DPP10: variants seen among roughly 807,000 people sequenced by gnomAD.
DPP10 encodes the protein dipeptidyl peptidase like 10.
A neutral mutation model predicts 120.9 loss-of-function variants in DPP10; 33 were observed. The ratio of observed to expected loss-of-function variants is 0.27; its 90% CI spans 0.21 to 0.37. The LOEUF is 0.37. Among genes scored for constraint, DPP10 ranks in the 10% least tolerant of loss-of-function variants. The pLI, the probability that DPP10 is intolerant of heterozygous loss-of-function variation, is 1.00. For synonymous variants in DPP10, 337 were observed against 326.1 expected (o/e 1.03, Z -0.36); for missense variants, 816 against 942.8 (o/e 0.87, Z 1.76).
chr2:114,537,411 G>A (rs531560201), intron 1 of DPP10, among the ~76,000 whole-genome samples: 2 of 152,244 alleles, frequency 1.3e-5, no homozygotes, highest in East Asian at 3.9e-4. Context: ...TGTGTGTAAG[G>A]AAAATCATCT....
chr2:114,918,281 T>C (rs1025111529), intron 1 of DPP10, among the ~76,000 whole-genome samples: 4 of 152,146 alleles, frequency 2.6e-5, no homozygotes, highest in South Asian at 2.1e-4. Flanking sequence ...TTGGTTATTA[T>C]TGAAAAGTCA....
chr2:115,241,369 C>G (rs1000585105), intron 1 of DPP10, among the ~76,000 whole-genome samples: 1 of 152,154 alleles, frequency 6.6e-6, no homozygotes, highest in African/African-American at 2.4e-5. Flanking sequence ...TGTTCAGTAT[C>G]CTTGGTAGTT....
At chr2:115,606,483 T>G (rs2149236884) in intron 5 of DPP10, among the ~76,000 whole-genome samples, 1 of 152,292 alleles carries the variant, frequency 6.6e-6, no homozygotes, top group Admixed American at 6.5e-5. Flanking sequence ...CATTAATTTC[T>G]TTTAAATTGT....
chr2:115,017,982 C>T (rs188114594), intron 1 of DPP10, among the ~76,000 whole-genome samples: 29 of 150,782 alleles, frequency 1.9e-4, no homozygotes, highest in African/African-American at 5.4e-4. Flanking sequence ...CGCACATGTA[C>T]GCTAGAACTT....
intron 3 of DPP10, among the ~76,000 whole-genome samples, chr2:115,492,660 C>A (rs1038620917): frequency 6.6e-6 from 1 of 152,086 alleles, no homozygotes; most frequent in East Asian, 1.9e-4. Flanking sequence ...CATATCAATG[C>A]AGACAGTTGA....
At chr2:114,522,580 A>G (rs752503118) in intron 1 of DPP10, among the ~76,000 whole-genome samples, 4 of 152,214 alleles carry the variant, frequency 2.6e-5, no homozygotes, top group Non-Finnish European at 5.9e-5. Context: ...TTATTTTTCA[A>G]TAATTATATA....
intron 1 of DPP10, among the ~76,000 whole-genome samples, chr2:114,983,709 G>A (rs1214344642): frequency 6.6e-6 from 1 of 152,084 alleles, no homozygotes; most frequent in Admixed American, 6.6e-5. Context: ...GCAAAATAAT[G>A]ATAAAAGTAG....
At chr2:114,958,488 T>C (rs1285337553) in intron 1 of DPP10, among the ~76,000 whole-genome samples, 2 of 152,222 alleles carry the variant, frequency 1.3e-5, no homozygotes, top group African/African-American at 2.4e-5. Flanking sequence ...ATAGAATTAA[T>C]GCATTGCATC....
intron 1 of DPP10, among the ~76,000 whole-genome samples, chr2:114,472,610 ATAT>A (rs1680015243): frequency 6.6e-6 from 1 of 152,100 alleles, no homozygotes; most frequent in Non-Finnish European, 1.5e-5. Context: ...ATTTGTCCTG[ATAT>A]TATTATCTCA....
chr2:115,654,252 G>T (rs982663627), intron 5 of DPP10, among the ~76,000 whole-genome samples: 8 of 151,758 alleles, frequency 5.3e-5, no homozygotes, highest in Non-Finnish European at 1.2e-4. Context: ...ATACACGAGT[G>T]AAGGCAACAT....
intron 1 of DPP10, among the ~76,000 whole-genome samples, chr2:114,939,280 G>A (rs561655102): frequency 6.6e-6 from 1 of 152,090 alleles, no homozygotes; most frequent in South Asian, 2.1e-4. Flanking sequence ...AAAGGGGGGG[G>A]TGGTTAGGCA....
intron 19 of DPP10, among the ~76,000 whole-genome samples, chr2:115,801,863 A>G (rs572296081): frequency 4.3e-4 from 66 of 152,292 alleles, no homozygotes; most frequent in African/African-American, 1.5e-3. Context: ...TTTTGCATCA[A>G]TGTTCTTCAA....
intron 3 of DPP10, among the ~76,000 whole-genome samples, chr2:115,435,051 CATATATAT>C (rs58828924): frequency 0.011 from 1,570 of 148,156 alleles, 21 homozygotes; most frequent in African/African-American, 0.036. Flanking sequence ...CACATGCACA[CATATATAT>C]ATATATATAT....
Position 114,911,390 on chromosome 2 carries a change from T to C in DPP10, c.61-397849T>C, listed in dbSNP as rs13432295. 9.8e-3 allele frequency among the ~76,000 whole-genome samples: 1,486 copies of C among 152,324 alleles called. 20 individuals are homozygous for C. Among genetic ancestry groups the C allele is most frequent in the African/African-American group, 0.034 (1,432 of 41,564 alleles). On this transcript the variant is annotated intron_variant, in intron 1 of 25. Transcript: ENST00000410059. ...TTAAGGATCCACTCTTTGTCAGTCATGGTGCTTAACACTAAGCATAAAAAA... is the reference window on the plus strand; with the variant it reads ...TTAAGGATCCACTCTTTGTCAGTCACGGTGCTTAACACTAAGCATAAAAAA...
intron 1 of DPP10, among the ~76,000 whole-genome samples, chr2:114,666,404 T>G (rs1341363721): frequency 6.6e-6 from 1 of 152,208 alleles, no homozygotes; most frequent in Non-Finnish European, 1.5e-5. Flanking sequence ...AAATGTAGTA[T>G]TATCTCCTTT....
At chr2:115,130,492 C>CCATG (rs2050290732) in intron 1 of DPP10, among the ~76,000 whole-genome samples, 1 of 142,416 alleles carries the variant, frequency 7.0e-6, no homozygotes, top group African/African-American at 2.7e-5. Flanking sequence ...ATGCATCCAT[C>CCATG]CATCCATCTA....
At chr2:114,845,997 T>C (rs963927596) in intron 1 of DPP10, among the ~76,000 whole-genome samples, 1 of 152,068 alleles carries the variant, frequency 6.6e-6, no homozygotes, top group African/African-American at 2.4e-5. Context: ...ATTTTTTTTT[T>C]CTCATGCCAA....
rs1701783212 is a variant in DPP10, at chr2:114,722,766, G to T, written c.60+279928G>T. 2.6e-5 allele frequency among the ~76,000 whole-genome samples: 3 copies of T among 115,778 alleles called. No homozygotes were observed. In the South Asian group the frequency reaches 9.1e-4, roughly 35 times the overall value. The allele number at this position is 115,778 out of a possible 152,430, so 76.0% of individuals were successfully genotyped here. ...ACTCCAGCCTGGGAGACAGAGCTAG[G>T]CTCTGTCTCAAAAAAAAAAAAAAAA... On this transcript the variant is annotated intron_variant, in intron 1 of 25. Coordinates refer to ENST00000410059, the MANE Select transcript of DPP10 (RefSeq NM_020868.6).
intron 2 of DPP10, among the ~76,000 whole-genome samples, chr2:115,341,975 T>G (rs2063470236): frequency 6.6e-6 from 1 of 152,226 alleles, no homozygotes; most frequent in Non-Finnish European, 1.5e-5. Context: ...GCCTGATTAC[T>G]GGATTGTATG....
Sources: allele counts gnomAD v4.1 joint callset (sites outside exome capture counted in the v4.1 genomes callset), GRCh38; gene constraint gnomAD v4.1.1; transcripts MANE v1.5; gene names NCBI Gene and HGNC (gene_info 2026-07-23, HGNC 2026-07-21).